Variants in SHLD1 observed in about 807,000 individuals in gnomAD.
The protein encoded by SHLD1 is RINN1-REV7-interacting novel NHEJ regulator 3.
In SHLD1, 3 loss-of-function variants were observed where a neutral mutation model predicts 5.5. That is an observed-to-expected ratio of 0.54 (90% CI 0.25 to 1.40). SHLD1 has a LOEUF of 1.40. Among genes scored for constraint, SHLD1 ranks in the 40% most tolerant of loss-of-function variants. The pLI is 0.15. For synonymous variants in SHLD1, 92 were observed against 94.3 expected, an observed-to-expected ratio of 0.98 and a Z score of 0.14; for missense variants, 210 against 244.4, an observed-to-expected ratio of 0.86 and a Z score of 0.94.
At chr20:5,777,337 C>A (rs1358510713) in intron 2 of SHLD1, among the ~76,000 whole-genome samples, 1 of 151,996 alleles carries the variant, frequency 6.6e-6, no homozygotes, top group Non-Finnish European at 1.5e-5. Context: ...AAGTGGAAAT[C>A]ATTCCCATTT....
chr20:5,836,347 T>TA (rs2122454579), intron 2 of SHLD1, among the ~76,000 whole-genome samples: 1 of 152,358 alleles, frequency 6.6e-6, no homozygotes, highest in East Asian at 1.9e-4. Context: ...TCAAATACTG[T>TA]AAAAAATGAT....
chr20:5,829,191 TTAA>T (rs2087700179), intron 2 of SHLD1, among the ~76,000 whole-genome samples: 1 of 152,200 alleles, frequency 6.6e-6, no homozygotes, highest in South Asian at 2.1e-4. Flanking sequence ...TTATTATTAA[TTAA>T]TGAGTTCAGG....
At position 5,831,688 on chromosome 20, in the gene SHLD1, C is replaced by G. The variant is rs6116966; in HGVS notation, c.179-31336C>G. Among the ~76,000 whole-genome samples, 806 of 152,226 alleles carry G rather than the reference C, an allele frequency of 5.3e-3. 9 individuals are homozygous for G. The highest frequency in any genetic ancestry group is 0.019 in the African/African-American group (779 of 41,550). ...TTAAGTGACAGTAGTTGTGTTGCTT[C>G]CCTGGAGTTGTCTCCATTTCAGTTG... On this transcript the variant is annotated intron_variant, in intron 2 of 2. Transcript: ENST00000303142.
intron 2 of SHLD1, among the ~76,000 whole-genome samples, chr20:5,829,821 T>C (rs918694143): frequency 6.6e-6 from 1 of 152,204 alleles, no homozygotes; most frequent in Non-Finnish European, 1.5e-5. Flanking sequence ...TATAATAGAA[T>C]TTGCCTTGAA....
chr20:5,800,409 T>A (rs529604612), intron 2 of SHLD1, among the ~76,000 whole-genome samples: 20 of 152,320 alleles, frequency 1.3e-4, no homozygotes, highest in African/African-American at 4.6e-4. Context: ...AAATAATTTA[T>A]AGGGCCGGGC....
At chr20:5,750,254 G>T (rs1436285934), upstream of SHLD1, 3 of 152,088 alleles carry the variant, frequency 2.0e-5, no homozygotes, top group Non-Finnish European at 4.4e-5. Flanking sequence ...AGCCACATGT[G>T]GCAAGCCTCA....
At chr20:5,857,130 C>T (rs2088098265) in intron 2 of SHLD1, among the ~76,000 whole-genome samples, 1 of 152,130 alleles carries the variant, frequency 6.6e-6, no homozygotes, top group South Asian at 2.1e-4. Context: ...TGCCCACCAC[C>T]ATGCCCAGCC....
chr20:5,766,602 TCTGA>T (rs1157609992), intron 1 of SHLD1, among the ~76,000 whole-genome samples: 1 of 152,100 alleles, frequency 6.6e-6, no homozygotes, highest in Non-Finnish European at 1.5e-5. Context: ...TGTGTCTGAG[TCTGA>T]CTGTTAAAGA....
At chr20:5,781,043 A>G (rs576779209) in intron 2 of SHLD1, among the ~76,000 whole-genome samples, 2 of 152,350 alleles carry the variant, frequency 1.3e-5, no homozygotes, top group African/African-American at 4.8e-5. Flanking sequence ...CAGTATGAGT[A>G]TGTAAAGATG....
At chr20:5,834,389 A>T (rs1471012736) in intron 2 of SHLD1, among the ~76,000 whole-genome samples, 1 of 152,178 alleles carries the variant, frequency 6.6e-6, no homozygotes. Flanking sequence ...TTATATAATA[A>T]TATAGGCAAA....
chr20:5,829,879 AG>A (rs201584007), intron 2 of SHLD1, among the ~76,000 whole-genome samples: 3,163 of 102,358 alleles, frequency 0.031, 67 homozygotes, highest in African/African-American at 0.066. Context: ...CCTCTTCTTT[AG>A]GAAAAAAAAA....
chr20:5,845,828 A>G (rs1287018), intron 2 of SHLD1, among the ~76,000 whole-genome samples: 34,141 of 152,022 alleles, frequency 0.22, 4,117 homozygotes, highest in African/African-American at 0.29. Context: ...GGGAGTGAAG[A>G]TGACTCCTAA....
chr20:5,847,026 G>A (rs1012431673), intron 2 of SHLD1, among the ~76,000 whole-genome samples: 16 of 151,994 alleles, frequency 1.1e-4, no homozygotes, highest in Admixed American at 9.2e-4. Flanking sequence ...CCCCTGCTCG[G>A]CCCATCATCA....
intron 2 of SHLD1, among the ~76,000 whole-genome samples, chr20:5,862,793 T>A (rs567191882): frequency 6.6e-6 from 1 of 152,298 alleles, no homozygotes; most frequent in Admixed American, 6.5e-5. Flanking sequence ...TACAGGGACA[T>A]CGGGCTAAGA....
intron 2 of SHLD1, among the ~76,000 whole-genome samples, chr20:5,796,657 T>C (rs181931361): frequency 6.6e-6 from 1 of 151,858 alleles, no homozygotes; most frequent in African/African-American, 2.4e-5. Flanking sequence ...AGAAACCCCA[T>C]CTCTACAAAA....
At chr20:5,767,100 T>C (rs1469134461) in intron 1 of SHLD1, among the ~76,000 whole-genome samples, 1 of 151,056 alleles carries the variant, frequency 6.6e-6, no homozygotes, top group Non-Finnish European at 1.5e-5. Flanking sequence ...TCAGCTCCTC[T>C]TTAACACATT....
At chr20:5,848,839 G>A (rs1408411925) in intron 2 of SHLD1, among the ~76,000 whole-genome samples, 1 of 152,062 alleles carries the variant, frequency 6.6e-6, no homozygotes, top group Non-Finnish European at 1.5e-5. Flanking sequence ...AGAGGACCGC[G>A]TCCTCTGCTC....
At chr20:5,823,784 T>G (rs539409543) in intron 2 of SHLD1, among the ~76,000 whole-genome samples, 22 of 152,224 alleles carry the variant, frequency 1.4e-4, no homozygotes, top group African/African-American at 5.3e-4. Context: ...TTTACACAGT[T>G]GTGTTGGGCT....
chr20:5,800,035 G>A (rs138169431), intron 2 of SHLD1, among the ~76,000 whole-genome samples: 1 of 151,884 alleles, frequency 6.6e-6, no homozygotes, highest in Non-Finnish European at 1.5e-5. Flanking sequence ...TGTCCTTCAG[G>A]GGGTATTTGG....
Sources: gnomAD v4.1 joint callset for allele counts (sites outside exome capture counted in the v4.1 genomes callset) on GRCh38, gnomAD v4.1.1 for gene constraint, MANE v1.5 for transcripts, NCBI Gene and HGNC (gene_info 2026-07-23, HGNC 2026-07-21) for gene names.